MSANTD3: variants seen among roughly 807,000 people sequenced by gnomAD.
MSANTD3 encodes Myb/SANT DNA binding domain containing 3.
In MSANTD3, 11 loss-of-function variants were observed where a neutral mutation model predicts 27.7. The ratio of observed to expected loss-of-function variants is 0.40; its 90% confidence interval spans 0.25 to 0.66. The LOEUF (loss-of-function observed/expected upper bound fraction) is 0.66, where lower values mean the gene tolerates loss of function less well. Ranked by LOEUF, MSANTD3 falls within the 30% of genes least tolerant of loss-of-function variation. MSANTD3 has a pLI of 0.41. For missense variants in MSANTD3, 250 were observed against 336.5 expected (o/e 0.74, Z 2.01); for synonymous variants, 131 against 127.2 (o/e 1.03, Z -0.20).
At chr9:100,445,916 A>C (rs1035459052) in intron 2 of MSANTD3, among the ~76,000 whole-genome samples, 1 of 152,208 alleles carries the variant, frequency 6.6e-6, no homozygotes, top group Admixed American at 6.5e-5. Flanking sequence ...GATATTTGCC[A>C]AAAAACCCCA....
rs755748241 is a variant in MSANTD3 at position 100,450,694 on chromosome 9, A to C, written c.556A>C (p.Lys186Gln). ...AACAGCCAATAAAAACTACAGGAGC[A>C]AAACCTCTCAGGAAGGTGCTTTAAA... ...RITANKNYRS[K>Q]TSQEGALKKM... Residue 186 changes from lysine to glutamine, a missense_variant, in exon 3 of 3, where the codon AAA becomes CAA. This residue lies in a region of MSANTD3 where 235 missense variants were observed against 299.3 expected (regional missense o/e 0.79). Coordinates refer to ENST00000395067, the MANE Select transcript of MSANTD3 (RefSeq NM_080655.3). 9 of 1,614,086 alleles carry C rather than the reference A, an allele frequency of 5.6e-6. No individual in the cohort carries two copies. Among genetic ancestry groups the C allele is most frequent in the Non-Finnish European group, 7.6e-6 (9 of 1,180,040 alleles).
At position 100,427,409 on chromosome 9, in the gene MSANTD3, TCCGGGCGGGCCGCAG is replaced by T. The variant is rs962902432; in HGVS notation, c.-34+26_-34+40del. ...GCCGCTGCAGGTAGGAGGCTCCCCT[TCCGGGCGGGCCGCAG>T]CCGGGCGGGGGCGGGGGTGGGGGGC... On this transcript the variant is annotated intron_variant, in intron 1 of 2. Coordinates refer to ENST00000395067, the MANE Select transcript of MSANTD3 (RefSeq NM_080655.3). The T allele has an allele frequency of 5.1e-4, 75 of 147,294 alleles. No individual in the cohort carries two copies. Among genetic ancestry groups the T allele is most frequent in the African/African-American group, 1.8e-3 (73 of 40,690 alleles). The allele number at this position is 147,294 out of a possible 1,614,324, so 9.1% of individuals were successfully genotyped here.
In MSANTD3 at chr9:100,448,917, T is replaced by A. The variant is rs191082921; in HGVS notation, c.419-1640T>A. On this transcript the variant is annotated intron_variant, in intron 2 of 2. Coordinates refer to ENST00000395067, the MANE Select transcript of MSANTD3 (RefSeq NM_080655.3). ...AATCGTAATTAGGGACTAGTTATGATTGTTACTTTACCTCTTGGAGTGGAA... is the reference window on the plus strand; with the variant it reads ...AATCGTAATTAGGGACTAGTTATGAATGTTACTTTACCTCTTGGAGTGGAA... The A allele has an allele frequency of 1.0e-5, 10 of 985,192 alleles. No individual in the cohort carries two copies. In the Admixed American group the frequency reaches 6.1e-4, roughly 60 times the overall value. The allele number at this position is 985,192 out of a possible 1,614,324, so 61.0% of individuals were successfully genotyped here.
intron 1 of MSANTD3, among the ~76,000 whole-genome samples, chr9:100,432,133 G>C (rs1564246564): frequency 6.6e-6 from 1 of 152,170 alleles, no homozygotes; most frequent in Non-Finnish European, 1.5e-5. Flanking sequence ...TCACACTCAG[G>C]CGCAGATGAT....
chr9:100,450,762 A>T lies in MSANTD3; in HGVS notation c.624A>T (p.Leu208Phe). The T allele has an allele frequency of 1.9e-6, 3 of 1,614,150 alleles. No homozygotes were observed. The highest frequency in any genetic ancestry group is 1.6e-4 in the Middle Eastern group (1 of 6,062). ...AACACCATCAACAAATGTCCATCTT[A>T]CAACTGCAACTGATACAAATGAATG... is the stretch of plus-strand genomic sequence containing the variant. ...EEEHHQQMSI[L>F]QLQLIQMNEV... The change falls in exon 3 of 3, where the codon TTA becomes TTT. Residue 208 changes from leucine to phenylalanine, a missense_variant. By Grantham distance (22) the Leu-to-Phe change is conservative (BLOSUM62 0). This residue lies in a region of MSANTD3 where 235 missense variants were observed against 299.3 expected (regional missense o/e 0.79). Coordinates refer to ENST00000395067, the MANE Select transcript of MSANTD3 (RefSeq NM_080655.3).
At chr9:100,445,139 T>G in intron 2 of MSANTD3, 1 of 1,429,858 alleles carries the variant, frequency 7.0e-7, no homozygotes, top group Non-Finnish European at 9.8e-7. Context: ...AAAACAACTT[T>G]GAGTTCATTT....
chr9:100,449,127 G>T (rs1836824410), intron 2 of MSANTD3: 1 of 985,276 alleles, frequency 1.0e-6, no homozygotes, highest in African/African-American at 1.7e-5. Flanking sequence ...TATTGGAAAT[G>T]TAAAGCTTCT....
At chr9:100,440,591 T>A (rs112789469) in intron 1 of MSANTD3, among the ~76,000 whole-genome samples, 3,990 of 61,622 alleles carry the variant, frequency 0.065, 153 homozygotes, top group African/African-American at 0.18. Flanking sequence ...AAACGTCAAA[T>A]TTTTTTTTTT....
intron 1 of MSANTD3, among the ~76,000 whole-genome samples, chr9:100,431,143 C>CA (rs1159391175): frequency 1.3e-5 from 2 of 151,972 alleles, no homozygotes; most frequent in Admixed American, 1.3e-4. Context: ...GCTGGGATTA[C>CA]AGGCATGCAC....
rs775235160 is a variant in MSANTD3, at chr9:100,450,647, C to T, written c.509C>T (p.Pro170Leu). The T allele has an allele frequency of 1.9e-5, 31 of 1,613,666 alleles. No individual in the cohort carries two copies. The highest frequency in any genetic ancestry group is 2.6e-5 in the Non-Finnish European group (31 of 1,179,862). The change falls in exon 3 of 3, where the codon CCC becomes CTC. Residue 170 changes from proline to leucine, a missense_variant. Pro to Leu is a moderately conservative substitution (Grantham distance 98, BLOSUM62 -3). Coordinates refer to ENST00000395067, the MANE Select transcript of MSANTD3 (RefSeq NM_080655.3). ...TGTGAGGGGACCTCTCAACCTGAAC[C>T]CTCGTGTTCAGCTGTCAGAATAACA... is the stretch of plus-strand genomic sequence containing the variant. ...PVCEGTSQPE[P>L]SCSAVRITAN...
chr9:100,445,081 A>G, intron 2 of MSANTD3: 2 of 755,510 alleles, frequency 2.6e-6, no homozygotes, highest in South Asian at 3.2e-5. Flanking sequence ...GTCCAAAGGT[A>G]ATCTGTTAAT....
chr9:100,427,156 A>G lies in MSANTD3; in HGVS notation c.-271A>G, dbSNP rs1173346030. 1 of 147,384 alleles carries G rather than the reference A, an allele frequency of 6.8e-6. No homozygotes were observed. Among genetic ancestry groups the G allele is most frequent in the Non-Finnish European group, 1.5e-5 (1 of 66,420 alleles). 9.1% of individuals were successfully genotyped at this position (147,384 alleles called of 1,614,324 possible). On this transcript the variant is annotated 5_prime_UTR_variant, in exon 1 of 3. Coordinates refer to ENST00000395067, the MANE Select transcript of MSANTD3 (RefSeq NM_080655.3). ...GCTCCCGCCCTCCTCGGCGGCGCCG[A>G]CGGACCGGCAGGCGGCGGGCGGTCC...
intron 1 of MSANTD3, among the ~76,000 whole-genome samples, chr9:100,434,899 A>G (rs1405874382): frequency 1.3e-5 from 2 of 152,074 alleles, no homozygotes; most frequent in African/African-American, 4.8e-5. Context: ...GCAGGAGTTC[A>G]TTACATATTT....
At chr9:100,445,347 T>G in intron 2 of MSANTD3, 1 of 690,650 alleles carries the variant, frequency 1.4e-6, no homozygotes, top group Admixed American at 2.6e-5. Flanking sequence ...CTAATACAGT[T>G]GTCACAAGCC....
chr9:100,435,509 T>C (rs1405853788), intron 1 of MSANTD3, among the ~76,000 whole-genome samples: 1 of 152,226 alleles, frequency 6.6e-6, no homozygotes, highest in East Asian at 1.9e-4. Context: ...CTTCTCAGGC[T>C]ACCATAATAA....
chr9:100,433,492 C>T (rs1233181485), intron 1 of MSANTD3, among the ~76,000 whole-genome samples: 1 of 152,156 alleles, frequency 6.6e-6, no homozygotes, highest in Non-Finnish European at 1.5e-5. Flanking sequence ...GTCTTAGCCA[C>T]CCTAGTAGCT....
chr9:100,445,419 C>T (rs1422310683), intron 2 of MSANTD3, among the ~76,000 whole-genome samples: 1 of 152,088 alleles, frequency 6.6e-6, no homozygotes, highest in East Asian at 1.9e-4. Flanking sequence ...TATAATTGTG[C>T]ACACCACATT....
At chr9:100,444,535 A>T (rs1836707372) in intron 2 of MSANTD3, 1 of 152,474 alleles carries the variant, frequency 6.6e-6, no homozygotes, top group South Asian at 2.1e-4. Context: ...GTTGTGGAGG[A>T]GTGTGCTGGG....
At chr9:100,431,675 G>A (rs1836380598) in intron 1 of MSANTD3, among the ~76,000 whole-genome samples, 2 of 152,284 alleles carry the variant, frequency 1.3e-5, no homozygotes, top group Non-Finnish European at 1.5e-5. Flanking sequence ...GATATAAAAT[G>A]TAGTTCCATG....
Sources: allele counts gnomAD v4.1 joint callset (sites outside exome capture counted in the v4.1 genomes callset), GRCh38; gene constraint gnomAD v4.1.1; regional missense constraint gnomAD v4.1.1; transcripts MANE v1.5; gene names NCBI Gene and HGNC (gene_info 2026-07-23, HGNC 2026-07-21).